The following SEMA3A variants were observed in gnomAD, a reference collection of about 807,000 sequenced individuals.
The protein encoded by SEMA3A is semaphorin-3A.
Under a neutral mutation model 97.9 loss-of-function variants are expected in SEMA3A, and 29 were observed. The observed-to-expected ratio is 0.30, with a 90% CI of 0.22 to 0.40. The LOEUF (loss-of-function observed/expected upper bound fraction) is 0.40, where lower values mean the gene tolerates loss of function less well. SEMA3A is among the 10% of genes least tolerant of loss of function. The pLI is 1.00. For synonymous variants in SEMA3A, 321 were observed against 323.7 expected (o/e 0.99, Z 0.09); for missense variants, 763 against 951.3 (o/e 0.80, Z 2.60).
intron 9 of SEMA3A, among the ~76,000 whole-genome samples, chr7:84,008,759 G>A (rs1790768673): frequency 6.6e-6 from 1 of 152,102 alleles, no homozygotes; most frequent in Non-Finnish European, 1.5e-5. Flanking sequence ...AAGAGACCAT[G>A]CCTGGCTTCT....
At chr7:84,442,662 TA>T (rs71078830) in intron 1 of SEMA3A, among the ~76,000 whole-genome samples, 69,533 of 151,870 alleles carry the variant, frequency 0.46, 17,548 homozygotes, top group East Asian at 0.78. Context: ...CAGTCAAAAT[TA>T]AAAAGATAGC....
chr7:83,966,930 T>C (rs1382154046), intron 15 of SEMA3A, among the ~76,000 whole-genome samples: 1 of 151,988 alleles, frequency 6.6e-6, no homozygotes, highest in Non-Finnish European at 1.5e-5. Flanking sequence ...AGGCTGGTCT[T>C]GAACTCCCGA....
intron 1 of SEMA3A, among the ~76,000 whole-genome samples, chr7:84,183,715 G>A (rs2116244245): frequency 6.6e-6 from 1 of 152,050 alleles, no homozygotes; most frequent in South Asian, 2.1e-4. Flanking sequence ...TTCCAAGAAA[G>A]TAAAATTTTA....
intron 3 of SEMA3A, among the ~76,000 whole-genome samples, chr7:84,300,840 T>C (rs570928106): frequency 1.1e-4 from 16 of 152,200 alleles, no homozygotes; most frequent in African/African-American, 2.9e-4. Context: ...CTTGACCTAA[T>C]TGATATTTTT....
At chr7:84,114,184 C>A (rs13228612) in intron 3 of SEMA3A, among the ~76,000 whole-genome samples, 1 of 152,022 alleles carries the variant, frequency 6.6e-6, no homozygotes, top group African/African-American at 2.4e-5. Flanking sequence ...AACTAACTTC[C>A]GATAATTATA....
At chr7:84,093,052 C>T (rs1001309474) in intron 4 of SEMA3A, among the ~76,000 whole-genome samples, 1 of 152,016 alleles carries the variant, frequency 6.6e-6, no homozygotes, top group African/African-American at 2.4e-5. Context: ...GAAAATGACT[C>T]GTATTGAAAT....
chr7:84,140,934 C>T (rs1340706530), intron 1 of SEMA3A, among the ~76,000 whole-genome samples: 1 of 152,082 alleles, frequency 6.6e-6, no homozygotes, highest in Non-Finnish European at 1.5e-5. Flanking sequence ...AAAACATGAA[C>T]AACGAATAAT....
chr7:84,281,417 T>G (rs912647694), intron 3 of SEMA3A, among the ~76,000 whole-genome samples: 1 of 152,144 alleles, frequency 6.6e-6, no homozygotes, highest in Non-Finnish European at 1.5e-5. Context: ...ACATGGAAAC[T>G]GGGTGGAAGT....
rs1368930118 is a variant in SEMA3A, at chr7:83,991,089, T to C, written c.1453-5612A>G. On this transcript the variant is annotated intron_variant, in intron 12 of 16. Transcript: ENST00000265362. ...TTATTCTCTTTGAAGCAATTGTGAA[T>C]GGGAGTTCACTCATGATTTGGCTCT... Among the ~76,000 whole-genome samples, 39 of 150,006 alleles carry C rather than the reference T, an allele frequency of 2.6e-4. No homozygotes were observed. In the South Asian group the frequency reaches 7.7e-3, roughly 29 times the overall value.
rs1230042074 is a variant in SEMA3A, at chr7:84,473,372, GTATTATTATTATTATTATAA to G, written c.-246+19068_-246+19087del. On this transcript the variant is annotated intron_variant, in intron 1 of 3. Coordinates refer to the SEMA3A transcript ENST00000424555. Reference sequence around the variant, plus strand: ...TAAATCTTATATACTTTATATTTTTGTATTATTATTATTATTATAATATTATTATTATTATTATTTGCGAT... The same window carrying G: ...TAAATCTTATATACTTTATATTTTTGTATTATTATTATTATTATTTGCGAT... 3.4e-5 allele frequency among the ~76,000 whole-genome samples: 5 copies of G among 148,224 alleles called. No individual in the cohort carries two copies. In the East Asian group the frequency reaches 7.9e-4, roughly 23 times the overall value.
chr7:83,994,109 G>T (rs201038394), intron 12 of SEMA3A, among the ~76,000 whole-genome samples: 2 of 148,048 alleles, frequency 1.4e-5, no homozygotes, highest in African/African-American at 2.5e-5. Context: ...TGATTGCATC[G>T]GCTCCTGAGG....
At chr7:84,423,068 A>C (rs1804643884) in intron 1 of SEMA3A, among the ~76,000 whole-genome samples, 1 of 152,054 alleles carries the variant, frequency 6.6e-6, no homozygotes, top group Non-Finnish European at 1.5e-5. Flanking sequence ...ATGCTGAATA[A>C]AATATTAAAC....
intron 7 of SEMA3A, among the ~76,000 whole-genome samples, chr7:84,013,564 T>C (rs552599919): frequency 6.7e-6 from 1 of 149,244 alleles, no homozygotes; most frequent in African/African-American, 2.6e-5. Flanking sequence ...TATTCAAAAC[T>C]TGCAAGGTAG....
intron 1 of SEMA3A, among the ~76,000 whole-genome samples, chr7:84,146,430 G>A (rs1035703422): frequency 6.6e-6 from 1 of 150,430 alleles, no homozygotes; most frequent in Non-Finnish European, 1.5e-5. Flanking sequence ...ATAACTTTCT[G>A]GAAAAATTGT....
At chr7:84,027,486 G>A (rs759401319) in intron 6 of SEMA3A, among the ~76,000 whole-genome samples, 1 of 152,066 alleles carries the variant, frequency 6.6e-6, no homozygotes, top group Non-Finnish European at 1.5e-5. Context: ...TTATTCTTTA[G>A]AGCAATACAA....
chr7:84,449,314 A>C (rs1805502849), intron 1 of SEMA3A, among the ~76,000 whole-genome samples: 1 of 152,324 alleles, frequency 6.6e-6, no homozygotes, highest in Middle Eastern at 3.4e-3. Context: ...AGCCATCTTT[A>C]GGAAGCTATA....
In SEMA3A at chr7:84,129,160, C is replaced by T. The variant is rs1314581606; in HGVS notation, c.296G>A (p.Arg99Lys). 6.2e-7 allele frequency: 1 copy of T among 1,613,140 alleles called. No homozygotes were observed. The highest frequency in any genetic ancestry group is 1.3e-5 in the African/African-American group (1 of 74,898). The part of the protein sequence containing the change: ...QKIVWPVSYT[R>K]RDECKWAGKD... The stretch of plus-strand genomic sequence containing the variant: ...TCCAGCCCACTTGCATTCATCTCTT[C>T]TGGTGTAAGATACTGGCCACACAAT... The change falls in exon 3 of 17, where the codon AGA (arginine) becomes AAA (lysine). Residue 99 changes from arginine (R) to lysine (K), a missense_variant. Physicochemically the swap from Arg to Lys is conservative, Grantham distance 26. Around this residue, in one of 2 missense-constraint regions of SEMA3A, gnomAD observed 678 missense variants for 881.3 expected, o/e 0.77. Coordinates refer to ENST00000265362, the MANE Select transcript of SEMA3A (RefSeq NM_006080.3).
At chr7:84,344,006 T>G (rs1802234930) in intron 2 of SEMA3A, among the ~76,000 whole-genome samples, 1 of 150,772 alleles carries the variant, frequency 6.6e-6, no homozygotes, top group East Asian at 1.9e-4. Flanking sequence ...ACACTTTGTT[T>G]CGGGGAAAAA....
intron 6 of SEMA3A, among the ~76,000 whole-genome samples, chr7:84,036,157 T>C (rs1180078711): frequency 6.6e-6 from 1 of 152,060 alleles, no homozygotes; most frequent in Non-Finnish European, 1.5e-5. Flanking sequence ...ATCCAAAAAT[T>C]TGTTTAATCT....
Sources: allele counts gnomAD v4.1 joint callset (sites outside exome capture counted in the v4.1 genomes callset), GRCh38; gene constraint gnomAD v4.1.1; regional missense constraint gnomAD v4.1.1; transcripts MANE v1.5; gene names NCBI Gene and HGNC (gene_info 2026-07-23, HGNC 2026-07-21).